Variants in ZNF519 observed in about 807,000 individuals in gnomAD.
ZNF519 encodes the protein similar to Zinc finger protein 85 (Zinc finger protein HPF4) (HTF1).
In ZNF519, 7 loss-of-function variants were observed where a neutral mutation model predicts 7.4. The observed-to-expected ratio is 0.94, with a 90% CI of 0.54 to 1.77. ZNF519 has a LOEUF of 1.77. Ranked by LOEUF, ZNF519 falls within the 40% of genes most tolerant of loss-of-function variation. The pLI is 0.00. For missense variants in ZNF519, 586 were observed against 623.1 expected (o/e 0.94, Z 0.63); for synonymous variants, 179 against 203.3 (o/e 0.88, Z 1.02).
At chr18:14,121,607 T>TA (rs2046270019) in intron 2 of ZNF519, among the ~76,000 whole-genome samples, 1 of 152,168 alleles carries the variant, frequency 6.6e-6, no homozygotes, top group African/African-American at 2.4e-5. Context: ...GCCATTCAAA[T>TA]ACCTTTCTTT....
At chr18:14,118,828 T>C (rs1049892381) in intron 2 of ZNF519, among the ~76,000 whole-genome samples, 3 of 152,072 alleles carry the variant, frequency 2.0e-5, no homozygotes, top group African/African-American at 7.3e-5. Flanking sequence ...TCAGCTGTGG[T>C]CCCGGAAGCA....
intron 3 of ZNF519, among the ~76,000 whole-genome samples, chr18:14,083,389 A>G (rs951126733): frequency 1.3e-5 from 2 of 152,062 alleles, no homozygotes; most frequent in Non-Finnish European, 2.9e-5. Flanking sequence ...ACAAACAACA[A>G]AAAGACCTAA....
Position 14,124,331 on chromosome 18 carries a change from G to T in ZNF519, c.130+19C>A. On this transcript the variant is annotated intron_variant, in intron 2 of 2. Coordinates refer to ENST00000590202, the MANE Select transcript of ZNF519 (RefSeq NM_145287.4). Reference sequence around the variant, plus strand: ...ACTCTGAGGGAGAATTAGGAATTATGTATTGAAGTTATTCTCACCCAGGGA... The same window carrying T: ...ACTCTGAGGGAGAATTAGGAATTATTTATTGAAGTTATTCTCACCCAGGGA... 1 of 1,589,234 alleles carries T rather than the reference G, an allele frequency of 6.3e-7. No homozygotes were observed. The highest frequency in any genetic ancestry group is 8.5e-7 in the Non-Finnish European group (1 of 1,172,912).
intron 2 of ZNF519, among the ~76,000 whole-genome samples, chr18:14,092,216 G>A (rs2046117338): frequency 6.6e-6 from 1 of 152,080 alleles, no homozygotes; most frequent in Non-Finnish European, 1.5e-5. Flanking sequence ...ATGTCTATGG[G>A]TGCAAAGAAG....
chr18:14,077,330 G>A (rs939484365), exon 5 of ZNF519: 1 of 152,218 alleles, frequency 6.6e-6, no homozygotes, highest in Non-Finnish European at 1.5e-5. Context: ...AATACTTACT[G>A]TACCTCCCAA....
intron 2 of ZNF519, among the ~76,000 whole-genome samples, chr18:14,089,112 A>G (rs1001578592): frequency 1.3e-5 from 2 of 152,192 alleles, no homozygotes; most frequent in African/African-American, 2.4e-5. Flanking sequence ...TGTGATGAAT[A>G]TAAGTATGAA....
At chr18:14,075,511 T>C (rs896900684), downstream of ZNF519, 1 of 152,212 alleles carries the variant, frequency 6.6e-6, no homozygotes, top group African/African-American at 2.4e-5. Flanking sequence ...TACCTAATTA[T>C]GATTGAGAAA....
chr18:14,079,335 C>T (rs182357541), intron 3 of ZNF519, among the ~76,000 whole-genome samples: 28 of 152,316 alleles, frequency 1.8e-4, no homozygotes, highest in Admixed American at 4.6e-4. Context: ...TGGCAGTTTT[C>T]ATCAAATTTA....
At chr18:14,079,975 G>C (rs2046063806) in intron 3 of ZNF519, among the ~76,000 whole-genome samples, 1 of 151,758 alleles carries the variant, frequency 6.6e-6, no homozygotes, top group African/African-American at 2.4e-5. Context: ...AAAAGACATA[G>C]ACTGGAGGAA....
downstream of ZNF519, among the ~76,000 whole-genome samples, chr18:14,098,520 T>C (rs2046146958): frequency 6.6e-6 from 1 of 151,978 alleles, no homozygotes; most frequent in South Asian, 2.1e-4. Flanking sequence ...CTGCCTCCTG[T>C]CAGGGTGTCT....
intron 1 of ZNF519, among the ~76,000 whole-genome samples, chr18:14,131,518 C>T (rs185289542): frequency 5.3e-5 from 8 of 152,102 alleles, no homozygotes; most frequent in Non-Finnish European, 1.2e-4. Flanking sequence ...AAAATGCAGG[C>T]GAAAACCAGT....
At chr18:14,131,782 C>T (rs1325802322) in intron 1 of ZNF519, among the ~76,000 whole-genome samples, 1 of 152,138 alleles carries the variant, frequency 6.6e-6, no homozygotes, top group Non-Finnish European at 1.5e-5. Context: ...ATTTAATTGT[C>T]TTTGCTTCCT....
At chr18:14,115,172 G>C (rs1034270102) in intron 2 of ZNF519, among the ~76,000 whole-genome samples, 4 of 152,138 alleles carry the variant, frequency 2.6e-5, no homozygotes, top group Non-Finnish European at 5.9e-5. Context: ...TATTACATGT[G>C]CCCAGCACAG....
intron 2 of ZNF519, chr18:14,091,044 A>G (rs1162454069): frequency 2.6e-5 from 4 of 152,202 alleles, no homozygotes; most frequent in Non-Finnish European, 5.9e-5. Flanking sequence ...TTATATTTCT[A>G]ACAGTTATAA....
intron 2 of ZNF519, 25 bp downstream of exon 2, chr18:14,124,325 A>T (rs1598523031): frequency 1.3e-6 from 2 of 1,577,592 alleles, no homozygotes; most frequent in African/African-American, 2.8e-5. Context: ...GAGAATTAGG[A>T]ATTATGTATT....
chr18:14,106,329 A>G lies in ZNF519; in HGVS notation c.211T>C (p.Tyr71His). 1 of 1,612,604 alleles carries G rather than the reference A, an allele frequency of 6.2e-7. No homozygotes were observed. Among genetic ancestry groups the G allele is most frequent in the South Asian group, 1.1e-5 (1 of 90,970 alleles). Residue 71 changes from tyrosine to histidine, a missense_variant, in exon 3 of 3, where the codon TAT becomes CAT. Coordinates refer to ENST00000590202, the MANE Select transcript of ZNF519 (RefSeq NM_145287.4). ...DSFKKATLGR[Y>H]GSCGLENICL... is the part of the protein sequence containing the mutation. Reference sequence around the variant, plus strand: ...ATATTTTCAAGGCCACAGCTCCCATATCTTCCCAGTGTTGCTTTTTTGAAT... The same window carrying G: ...ATATTTTCAAGGCCACAGCTCCCATGTCTTCCCAGTGTTGCTTTTTTGAAT...
At chr18:14,126,597 T>C (rs951177421) in intron 1 of ZNF519, among the ~76,000 whole-genome samples, 2 of 152,344 alleles carry the variant, frequency 1.3e-5, no homozygotes, top group East Asian at 1.9e-4. Context: ...AGCTCCTTCA[T>C]GGTAGGGACC....
chr18:14,092,753 G>T (rs1189886124), intron 2 of ZNF519, among the ~76,000 whole-genome samples: 1 of 152,054 alleles, frequency 6.6e-6, no homozygotes, highest in African/African-American at 2.4e-5. Flanking sequence ...TTCTCTCCTC[G>T]ACCGAGTTCT....
Position 14,101,636 on chromosome 18 carries a change from T to G in ZNF519, c.*3281A>C, listed in dbSNP as rs948181473. 2 of 398,630 alleles carry G rather than the reference T, an allele frequency of 5.0e-6. No homozygotes were observed. The highest frequency in any genetic ancestry group is 8.8e-6 in the Non-Finnish European group (2 of 226,122). 24.7% of individuals were successfully genotyped at this position (398,630 alleles called of 1,614,324 possible). ...GGCAGAAGGCCTTCTCAGCCATGTCTGGGCCCTGGTTATAGAGACCATCTC... is the reference window on the plus strand; with the variant it reads ...GGCAGAAGGCCTTCTCAGCCATGTCGGGGCCCTGGTTATAGAGACCATCTC... On this transcript the variant is annotated 3_prime_UTR_variant, in exon 3 of 3. Coordinates refer to ENST00000590202, the MANE Select transcript of ZNF519 (RefSeq NM_145287.4).
Sources: gnomAD v4.1 joint callset for allele counts (sites outside exome capture counted in the v4.1 genomes callset) on GRCh38, gnomAD v4.1.1 for gene constraint, MANE v1.5 for transcripts, NCBI Gene and HGNC (gene_info 2026-07-23, HGNC 2026-07-21) for gene names.